The following TNN variants were observed in gnomAD, a reference collection of about 807,000 sequenced individuals.
TNN encodes the protein tenascin N, also known as tenascin-N.
TNN carries 122 observed loss-of-function variants against 134.4 expected under a neutral mutation model. The observed-to-expected ratio is 0.91, with a 90% CI of 0.78 to 1.06. TNN has a LOEUF of 1.06. TNN is among the 50% of genes least tolerant of loss of function. TNN has a pLI of 0.00. For missense variants in TNN, 1,739 were observed against 1,699.4 expected, an observed-to-expected ratio of 1.02 and a Z score of -0.41; for synonymous variants, 710 against 670.3, an observed-to-expected ratio of 1.06 and a Z score of -0.91.
At chr1:175,097,764 G>A (rs1444381918) in intron 8 of TNN, 81 bp downstream of exon 8, 1 of 1,552,598 alleles carries the variant, frequency 6.4e-7, no homozygotes, top group African/African-American at 1.4e-5. Context: ...GATGTGGCCT[G>A]AGCAGAAAGA....
At chr1:175,068,139 T>C (rs1026280012) in intron 1 of TNN, among the ~76,000 whole-genome samples, 2 of 152,224 alleles carry the variant, frequency 1.3e-5, no homozygotes, top group African/African-American at 4.8e-5. Context: ...CTTAGTATTA[T>C]ACTCCAGTCT....
Position 175,123,527 on chromosome 1 carries a change from C to T in TNN, c.2778C>T (p.Thr926=). The stretch of plus-strand genomic sequence containing the variant: ...GCTACACCTCTGCTGACGGAGAGAC[C>T]AGGGAGGTTCCGGTGGGGAAGGAGC... ...MVRYTSADGE[T]REVPVGKEHS... The change falls in exon 12 of 19, where the codon ACC becomes ACT. Residue 926 remains threonine (T), a synonymous_variant. Transcript: ENST00000239462. 1 of 1,614,034 alleles carries T rather than the reference C, an allele frequency of 6.2e-7. No individual in the cohort carries two copies. Among genetic ancestry groups the T allele is most frequent in the Non-Finnish European group, 8.5e-7 (1 of 1,179,930 alleles).
intron 1 of TNN, among the ~76,000 whole-genome samples, chr1:175,074,658 C>T (rs1457390713): frequency 6.6e-6 from 1 of 152,082 alleles, no homozygotes; most frequent in South Asian, 2.1e-4. Flanking sequence ...TTATTATCAA[C>T]AATACATGCT....
chr1:175,108,602 C>G (rs562669162), intron 9 of TNN, among the ~76,000 whole-genome samples: 3 of 152,360 alleles, frequency 2.0e-5, no homozygotes, highest in Non-Finnish European at 4.4e-5. Flanking sequence ...AGCCCTGCCC[C>G]GTGGGAAGGC....
chr1:175,143,307 A>T (rs987993306), intron 17 of TNN, among the ~76,000 whole-genome samples: 5 of 152,252 alleles, frequency 3.3e-5, no homozygotes, highest in Non-Finnish European at 5.9e-5. Context: ...TTGCAGGAAC[A>T]GAGCTTGATG....
At chr1:175,071,634 G>T (rs763947281) in intron 1 of TNN, among the ~76,000 whole-genome samples, 18 of 152,100 alleles carry the variant, frequency 1.2e-4, no homozygotes, top group Non-Finnish European at 2.1e-4. Flanking sequence ...GTATATACAG[G>T]ACATATAACA....
At chr1:175,072,873 T>G (rs1027164022) in intron 1 of TNN, among the ~76,000 whole-genome samples, 18 of 150,146 alleles carry the variant, frequency 1.2e-4, no homozygotes, top group South Asian at 4.2e-4. Context: ...AAACAAATGC[T>G]GTAGACCTGG....
chr1:175,099,476 G>A (rs916170377), intron 9 of TNN, among the ~76,000 whole-genome samples: 1 of 151,364 alleles, frequency 6.6e-6, no homozygotes, highest in Non-Finnish European at 1.5e-5. Flanking sequence ...GAGGGGTCAG[G>A]AAGAGGAGAG....
At chr1:175,111,200 C>T (rs1675014769) in intron 9 of TNN, among the ~76,000 whole-genome samples, 1 of 152,134 alleles carries the variant, frequency 6.6e-6, no homozygotes, top group Non-Finnish European at 1.5e-5. Context: ...TGCCTGTAAT[C>T]CCAGTTACTT....
In TNN at chr1:175,083,734, G is replaced by A. The variant is rs767838904; in HGVS notation, c.1049-16G>A. ...CTCTTCACCACTTTCTCTTGCCTCC[G>A]TCACCCCTGCCCTAGACCTTGCTGT... On this transcript the variant is annotated splice_polypyrimidine_tract_variant and intron_variant, in intron 4 of 18. Coordinates refer to ENST00000239462, the MANE Select transcript of TNN (RefSeq NM_022093.2). 2.2e-5 allele frequency: 35 copies of A among 1,610,150 alleles called. No homozygotes were observed. In the South Asian group the frequency reaches 2.9e-4, roughly 13 times the overall value.
chr1:175,083,952 G>A lies in TNN; in HGVS notation c.1234+17G>A. Reference sequence around the variant, plus strand: ...ACATCACTGGTAAGAGCCATCACTGGAATGTGAGATGTATGCTGTGGATGC... The same window carrying A: ...ACATCACTGGTAAGAGCCATCACTGAAATGTGAGATGTATGCTGTGGATGC... On this transcript the variant is annotated intron_variant, in intron 5 of 18. Coordinates refer to ENST00000239462, the MANE Select transcript of TNN (RefSeq NM_022093.2). 1 of 1,612,548 alleles carries A rather than the reference G, an allele frequency of 6.2e-7. No homozygotes were observed. Among genetic ancestry groups the A allele is most frequent in the Non-Finnish European group, 8.5e-7 (1 of 1,179,270 alleles).
chr1:175,143,078 A>G (rs1474581557), intron 17 of TNN, among the ~76,000 whole-genome samples: 2 of 152,154 alleles, frequency 1.3e-5, no homozygotes, highest in African/African-American at 4.8e-5. Flanking sequence ...AGAACCCTGG[A>G]CTTGGAATCT....
rs772920808 is a variant in TNN, at chr1:175,117,108, C to T, written c.2289C>T (p.Val763=). 4 of 1,614,236 alleles carry T rather than the reference C, an allele frequency of 2.5e-6. No individual in the cohort carries two copies. Among genetic ancestry groups the T allele is most frequent in the South Asian group, 1.1e-5 (1 of 91,086 alleles). Residue 763 remains valine, a synonymous_variant, in exon 10 of 19, where the codon GTC becomes GTT. Coordinates refer to ENST00000239462, the MANE Select transcript of TNN (RefSeq NM_022093.2). ...VPVGKEQSST[V]LTGLRPGVEY... Reference sequence around the variant, plus strand: ...TGGGGAAGGAGCAGAGTAGCACTGTCCTGACGGGCCTGAGGCCGGGTGTGG... The same window carrying T: ...TGGGGAAGGAGCAGAGTAGCACTGTTCTGACGGGCCTGAGGCCGGGTGTGG...
In TNN at chr1:175,079,569, G is replaced by T. The variant is rs1674143288; in HGVS notation, c.646G>T (p.Val216Leu). ...CGGACACGGCGAGTGCGTGCGCGGC[G>T]TGTGCCAGTGCCACGAAGACTTCAT... ...CSGHGECVRG[V>L]CQCHEDFMSE... Residue 216 changes from valine (V) to leucine (L), a missense_variant, in exon 3 of 19, where the codon GTG becomes TTG. By Grantham distance (32) the Val-to-Leu change is conservative. Coordinates refer to ENST00000239462, the MANE Select transcript of TNN (RefSeq NM_022093.2). 6 of 1,582,864 alleles carry T rather than the reference G, an allele frequency of 3.8e-6. No homozygotes were observed. In the South Asian group the frequency reaches 4.6e-5, roughly 12 times the overall value.
chr1:175,071,559 C>T (rs1558344562), intron 1 of TNN, among the ~76,000 whole-genome samples: 1 of 152,202 alleles, frequency 6.6e-6, no homozygotes, highest in South Asian at 2.1e-4. Flanking sequence ...GGAAGTAACC[C>T]TCTCTTAAAA....
At chr1:175,112,442 A>C (rs1675052543) in intron 9 of TNN, among the ~76,000 whole-genome samples, 1 of 151,930 alleles carries the variant, frequency 6.6e-6, no homozygotes, top group South Asian at 2.1e-4. Context: ...TCATATAAGC[A>C]TAGCTACTCC....
chr1:175,114,725 T>C (rs1409404869), intron 9 of TNN, among the ~76,000 whole-genome samples: 1 of 144,886 alleles, frequency 6.9e-6, no homozygotes, highest in Non-Finnish European at 1.5e-5. Flanking sequence ...GCAGCCGTGG[T>C]TTAACTTGGA....
At chr1:175,112,569 T>C (rs1252435009) in intron 9 of TNN, among the ~76,000 whole-genome samples, 2 of 146,210 alleles carry the variant, frequency 1.4e-5, no homozygotes, top group East Asian at 3.9e-4. Context: ...AGTGGGTCAT[T>C]TTTTTAAAGA....
At chr1:175,144,270 A>G in intron 17 of TNN, 117 bp from the exon 18 acceptor site, 2 of 944,954 alleles carry the variant, frequency 2.1e-6, no homozygotes, top group Non-Finnish European at 3.2e-6. Context: ...TACCTGTGAC[A>G]TGACTGGCTG....
Sources: gnomAD v4.1 joint callset for allele counts (sites outside exome capture counted in the v4.1 genomes callset) on GRCh38, gnomAD v4.1.1 for gene constraint, MANE v1.5 for transcripts, NCBI Gene and HGNC (gene_info 2026-07-23, HGNC 2026-07-21) for gene names.